Variants in DCAF4 observed in about 807,000 individuals in gnomAD.
The protein encoded by DCAF4 is DDB1- and CUL4-associated factor 4.
DCAF4 carries 37 observed loss-of-function variants against 60.9 expected under a neutral mutation model. The ratio of observed to expected loss-of-function variants is 0.61; its 90% CI spans 0.47 to 0.80. The LOEUF (loss-of-function observed/expected upper bound fraction) is 0.80. DCAF4 is among the 30% of genes least tolerant of loss of function. The pLI is 0.00. For missense variants in DCAF4, 577 were observed against 650.0 expected (o/e 0.89, Z 1.22); for synonymous variants, 243 against 254.8 (o/e 0.95, Z 0.44).
At chr14:72,940,482 G>A (rs1889885915) in intron 4 of DCAF4, 105 bp downstream of exon 4, 1 of 1,248,644 alleles carries the variant, frequency 8.0e-7, no homozygotes, top group African/African-American at 1.5e-5. Context: ...ACACTTAGCA[G>A]AGGCACTTCA....
At chr14:72,944,646 G>C (rs1251342521) in intron 6 of DCAF4, among the ~76,000 whole-genome samples, 1 of 152,032 alleles carries the variant, frequency 6.6e-6, no homozygotes, top group Non-Finnish European at 1.5e-5. Flanking sequence ...ATATAAATTA[G>C]CTGGGCATGG....
chr14:72,945,956 A>C lies in DCAF4; in HGVS notation c.607A>C (p.Asn203His), dbSNP rs1156610138. 1 of 1,614,148 alleles carries C rather than the reference A, an allele frequency of 6.2e-7. No homozygotes were observed. Among genetic ancestry groups the C allele is most frequent in the Non-Finnish European group, 8.5e-7 (1 of 1,180,018 alleles). The change falls in exon 7 of 14, where the codon AAC becomes CAC. Residue 203 changes from asparagine to histidine, a missense_variant. Asn to His is a moderately conservative substitution (Grantham distance 68). Coordinates refer to ENST00000358377, the MANE Select transcript of DCAF4 (RefSeq NM_015604.4). ...KVGGSKYGIINLQSLKTPTLK... is the reference protein window; with the variant it reads ...KVGGSKYGIIHLQSLKTPTLK... ...TGGAGGCTCCAAGTATGGTATCATC[A>C]ACCTGCAAAGTCTGAAGACCCCTAC...
chr14:72,927,559 G>T (rs1003605161), intron 1 of DCAF4, among the ~76,000 whole-genome samples: 8 of 151,852 alleles, frequency 5.3e-5, no homozygotes, highest in Non-Finnish European at 1.2e-4. Flanking sequence ...CACCGTGTTA[G>T]CCAGGATGGT....
intron 7 of DCAF4, 144 bp from the exon 8 acceptor site, chr14:72,946,998 C>A: frequency 9.3e-7 from 1 of 1,070,676 alleles, no homozygotes; most frequent in Non-Finnish European, 1.4e-6. Flanking sequence ...TTAAGCCCCA[C>A]CCTCAGAATG....
At chr14:72,956,123 A>C (rs1892264570) in intron 12 of DCAF4, among the ~76,000 whole-genome samples, 1 of 151,878 alleles carries the variant, frequency 6.6e-6, no homozygotes, top group African/African-American at 2.4e-5. Context: ...GGGTTTCACC[A>C]TGTTGGTCAG....
intron 1 of DCAF4, among the ~76,000 whole-genome samples, chr14:72,936,307 T>C (rs1426301360): frequency 6.6e-6 from 1 of 152,208 alleles, no homozygotes; most frequent in Non-Finnish European, 1.5e-5. Context: ...CCCACGCCTG[T>C]AATCCCAGCA....
intron 11 of DCAF4, among the ~76,000 whole-genome samples, chr14:72,955,110 CAA>C (rs1191603255): frequency 1.5e-5 from 2 of 129,440 alleles, no homozygotes; most frequent in Admixed American, 8.0e-5. Context: ...GACTCTGTCT[CAA>C]AAAAAAAAAA....
At chr14:72,932,876 T>G in intron 1 of DCAF4, among the ~76,000 whole-genome samples, 1 of 140,382 alleles carries the variant, frequency 7.1e-6, no homozygotes, top group East Asian at 2.0e-4. Flanking sequence ...GCTGAATAAT[T>G]TTTTTTTCTT....
chr14:72,958,539 C>A, intron 13 of DCAF4, 73 bp from the exon 14 acceptor site: 1 of 1,558,250 alleles, frequency 6.4e-7, no homozygotes. Context: ...TCTTGGGAAG[C>A]CATGTCCACA....
At chr14:72,934,137 C>T (rs1455082740) in intron 1 of DCAF4, among the ~76,000 whole-genome samples, 1 of 150,550 alleles carries the variant, frequency 6.6e-6, no homozygotes, top group Non-Finnish European at 1.5e-5. Flanking sequence ...CCCGCCCCCA[C>T]TGCCTTACGT....
At position 72,959,142 on chromosome 14, in the gene DCAF4, T is replaced by G. The variant is rs1389504293; in HGVS notation, c.*337T>G. On this transcript the variant is annotated 3_prime_UTR_variant, in exon 14 of 14. Coordinates refer to ENST00000358377, the MANE Select transcript of DCAF4 (RefSeq NM_015604.4). Reference sequence around the variant, plus strand: ...AGATTGGCAAAAACGAAAAGCTTCTTCCTCCAAGAGCCCATTGAAGAAGCC... The same window carrying G: ...AGATTGGCAAAAACGAAAAGCTTCTGCCTCCAAGAGCCCATTGAAGAAGCC... 2.8e-5 allele frequency: 28 copies of G among 1,016,094 alleles called. No individual in the cohort carries two copies. Among genetic ancestry groups the G allele is most frequent in the Non-Finnish European group, 3.2e-5 (27 of 849,628 alleles). 62.9% of individuals were successfully genotyped at this position (1,016,094 alleles called of 1,614,324 possible).
intron 9 of DCAF4, among the ~76,000 whole-genome samples, chr14:72,953,763 A>ATATATATATG (rs1327466108): frequency 3.4e-4 from 13 of 38,136 alleles, no homozygotes; most frequent in African/African-American, 1.2e-3. Flanking sequence ...ATATATATAT[A>ATATATATATG]GTTTATTTAT....
At chr14:72,953,325 G>T (rs1307784486) in intron 9 of DCAF4, among the ~76,000 whole-genome samples, 1 of 152,026 alleles carries the variant, frequency 6.6e-6, no homozygotes, top group Non-Finnish European at 1.5e-5. Context: ...CTTAACCTGG[G>T]TGGTGGGTAC....
At chr14:72,951,999 C>G in intron 9 of DCAF4, 122 bp downstream of exon 9, 2 of 1,024,782 alleles carry the variant, frequency 2.0e-6, no homozygotes, top group Non-Finnish European at 3.0e-6. Context: ...CTAAGCCTGT[C>G]CCAGGGTTAG....
intron 3 of DCAF4, 57 bp from the exon 4 acceptor site, chr14:72,940,163 C>G: frequency 6.2e-7 from 1 of 1,605,094 alleles, no homozygotes; most frequent in Non-Finnish European, 8.5e-7. Context: ...GGGCGCCCAA[C>G]TCAGGTGGTC....
chr14:72,933,281 T>C (rs1888809531), intron 1 of DCAF4, among the ~76,000 whole-genome samples: 1 of 152,110 alleles, frequency 6.6e-6, no homozygotes. Context: ...CTAGATAAAA[T>C]TGTCTCTAAT....
intron 8 of DCAF4, among the ~76,000 whole-genome samples, chr14:72,950,091 C>T (rs748370356): frequency 2.0e-5 from 3 of 152,180 alleles, no homozygotes; most frequent in South Asian, 4.1e-4. Flanking sequence ...GGAGCAGGGC[C>T]TTTCAAGACT....
chr14:72,961,164 G>C (rs1280078860), downstream of DCAF4, among the ~76,000 whole-genome samples: 1 of 152,088 alleles, frequency 6.6e-6, no homozygotes, highest in Non-Finnish European at 1.5e-5. Context: ...TGGCATTACA[G>C]ACACGAGCCA....
intron 8 of DCAF4, among the ~76,000 whole-genome samples, chr14:72,948,687 TG>T: frequency 6.6e-6 from 1 of 152,352 alleles, no homozygotes; most frequent in East Asian, 1.9e-4. Flanking sequence ...GCTTCATCAG[TG>T]GCTCGCCCTC....
Sources: gnomAD v4.1 joint callset for allele counts (sites outside exome capture counted in the v4.1 genomes callset) on GRCh38, gnomAD v4.1.1 for gene constraint, MANE v1.5 for transcripts, NCBI Gene and HGNC (gene_info 2026-07-23, HGNC 2026-07-21) for gene names.